The following ADNP variants were observed in gnomAD, a reference collection of about 807,000 sequenced individuals.
ADNP encodes activity dependent neuroprotector homeobox.
ADNP carries 4 observed loss-of-function variants against 84.9 expected under a neutral mutation model. That is an observed-to-expected ratio of 0.05 (90% confidence interval 0.02 to 0.11). The LOEUF is 0.11. ADNP is among the 10% of genes least tolerant of loss of function. The pLI is 1.00. For synonymous variants in ADNP, 554 were observed against 468.1 expected, an observed-to-expected ratio of 1.18 and a Z score of -2.37; for missense variants, 1,132 against 1,326.0, an observed-to-expected ratio of 0.85 and a Z score of 2.27.
rs2122726296 is a variant in ADNP, at chr20:50,890,464, T to C, written c.*941A>G. 1 of 152,678 alleles carries C rather than the reference T, an allele frequency of 6.5e-6. No homozygotes were observed. The highest frequency in any genetic ancestry group is 3.4e-3 in the Middle Eastern group (1 of 294). The allele number at this position is 152,678 out of a possible 1,614,324, so 9.5% of individuals were successfully genotyped here. ...TCATATATTAGATGGTATAAATGAA[T>C]CCACCATGATGGTGTTGAACTAAAG... On this transcript the variant is annotated 3_prime_UTR_variant, in exon 6 of 6. Transcript: ENST00000621696.
Position 50,892,064 on chromosome 20 carries a change from C to A in ADNP, c.2650G>T (p.Glu884Ter). ...GGGCTACCACTTTCATTGGATTCTT[C>A]TTCCAAATTTTCAAAACTGTCTGAG... ...SSSDSFENLE[E>*]ESNESGSPFD... The change falls in exon 6 of 6, where the codon GAA becomes TAA. Residue 884 changes from glutamate to a stop codon, truncating the protein, a stop_gained. Transcript: ENST00000621696. LOFTEE classifies it high-confidence loss of function. 1 of 1,614,156 alleles carries A rather than the reference C, an allele frequency of 6.2e-7. No homozygotes were observed. Among genetic ancestry groups the A allele is most frequent in the Non-Finnish European group, 8.5e-7 (1 of 1,180,032 alleles).
At chr20:50,919,374 G>A (rs941179928) in intron 2 of ADNP, among the ~76,000 whole-genome samples, 1 of 151,150 alleles carries the variant, frequency 6.6e-6, no homozygotes, top group Non-Finnish European at 1.5e-5. Context: ...GGAGGCTGAG[G>A]TGGGAGAATG....
chr20:50,895,081 G>C (rs1420070262), intron 5 of ADNP, among the ~76,000 whole-genome samples: 1 of 152,194 alleles, frequency 6.6e-6, no homozygotes, highest in Non-Finnish European at 1.5e-5. Flanking sequence ...CAAATGACTT[G>C]AAGATAAACA....
In ADNP at chr20:50,902,008, G is replaced by T; in HGVS notation, c.201+9C>A. On this transcript the variant is annotated intron_variant, in intron 5 of 5. Transcript: ENST00000621696. ...GCTGCCATCTGAGGAAGTCTCCTGT[G>T]CCACTTACCTGGTTTTTCGTAAGTG... The T allele has an allele frequency of 6.2e-7, 1 of 1,601,134 alleles. No individual in the cohort carries two copies. The highest frequency in any genetic ancestry group is 1.3e-5 in the African/African-American group (1 of 74,728).
chr20:50,894,571 T>G (rs1981188516), intron 5 of ADNP, 59 bp from the exon 6 acceptor site: 1 of 1,509,200 alleles, frequency 6.6e-7, no homozygotes, highest in South Asian at 1.3e-5. Context: ...GTTAACAGAT[T>G]CCAGATCCCC....
rs574785192 is a variant in ADNP at position 50,918,571 on chromosome 20, T to C, written c.-90+10080A>G. On this transcript the variant is annotated intron_variant, in intron 2 of 5. Coordinates refer to ENST00000621696, the MANE Select transcript of ADNP (RefSeq NM_001282531.3). Reference sequence around the variant, plus strand: ...CCAAGAGGCCAGGAACAGGATATTATATTACTTTTGGCAATGAAGGCCCTG... The same window carrying C: ...CCAAGAGGCCAGGAACAGGATATTACATTACTTTTGGCAATGAAGGCCCTG... 2.6e-5 allele frequency among the ~76,000 whole-genome samples: 4 copies of C among 152,328 alleles called. No individual in the cohort carries two copies. In the South Asian group the frequency reaches 8.3e-4, roughly 32 times the overall value.
intron 2 of ADNP, among the ~76,000 whole-genome samples, chr20:50,911,542 G>A (rs1600973586): frequency 7.4e-6 from 1 of 135,778 alleles, no homozygotes; most frequent in Admixed American, 7.7e-5. Flanking sequence ...TTTCACTCTT[G>A]TTGCCCAGGC....
chr20:50,924,668 G>A (rs1984170923), intron 2 of ADNP, among the ~76,000 whole-genome samples: 1 of 152,116 alleles, frequency 6.6e-6, no homozygotes, highest in African/African-American at 2.4e-5. Context: ...GGCCAGCAAG[G>A]GGGCCTTTAC....
chr20:50,924,027 G>A (rs539556848), intron 2 of ADNP, among the ~76,000 whole-genome samples: 10 of 152,308 alleles, frequency 6.6e-5, no homozygotes, highest in Admixed American at 5.2e-4. Flanking sequence ...AAGGTTCTCA[G>A]GTCATGAGCT....
Position 50,918,793 on chromosome 20 carries a change from G to C in ADNP, c.-90+9858C>G, listed in dbSNP as rs182512208. Among the ~76,000 whole-genome samples, 4 of 152,312 alleles carry C rather than the reference G, an allele frequency of 2.6e-5. No homozygotes were observed. The East Asian group carries it at 5.8e-4, about 22-fold the overall frequency. On this transcript the variant is annotated intron_variant, in intron 2 of 5. Coordinates refer to ENST00000621696, the MANE Select transcript of ADNP (RefSeq NM_001282531.3). ...CAAGAGGAGAGGTCCTGGGAAAAAT[G>C]AAATGGAAAGCTTTTGAAAGGTAAC...
intron 4 of ADNP, among the ~76,000 whole-genome samples, chr20:50,903,297 T>C (rs1455804498): frequency 3.2e-4 from 49 of 152,164 alleles, no homozygotes; most frequent in Admixed American, 2.0e-4. Context: ...ATAAAGCTCA[T>C]AGAATAAAAC....
At chr20:50,895,622 T>C (rs1981303203) in intron 5 of ADNP, among the ~76,000 whole-genome samples, 1 of 152,182 alleles carries the variant, frequency 6.6e-6, no homozygotes, top group Admixed American at 6.5e-5. Flanking sequence ...ATCGGCTCAC[T>C]GCAGCCTCAA....
At chr20:50,911,513 T>TTC (rs1983037210) in intron 2 of ADNP, among the ~76,000 whole-genome samples, 1 of 151,014 alleles carries the variant, frequency 6.6e-6, no homozygotes, top group Non-Finnish European at 1.5e-5. Context: ...TTCTTTTCTT[T>TTC]TTTTTTTTTT....
chr20:50,894,987 AT>A (rs1347224612), intron 5 of ADNP, among the ~76,000 whole-genome samples: 1 of 152,202 alleles, frequency 6.6e-6, no homozygotes, highest in Admixed American at 6.5e-5. Flanking sequence ...TAAACCAAAT[AT>A]TTTTGTCAGT....
Position 50,889,851 on chromosome 20 carries a change from AAAGCCTTTC to A in ADNP, c.*1545_*1553del. The A allele has an allele frequency of 2.5e-6, 1 of 398,542 alleles. No homozygotes were observed. Among genetic ancestry groups the A allele is most frequent in the Non-Finnish European group, 4.4e-6 (1 of 226,058 alleles). The allele number at this position is 398,542 out of a possible 1,614,324, so 24.7% of individuals were successfully genotyped here. ...CAGCCCTGTCAGTGCTGTGCTCTTC[AAAGCCTTTC>A]CCTTAATAGCAAGAGGGCCAAGAGT... On this transcript the variant is annotated 3_prime_UTR_variant, in exon 6 of 6. Transcript: ENST00000621696.
rs898615551 is a variant in ADNP at position 50,891,019 on chromosome 20, A to G, written c.*386T>C. ...TTTCCCAAAGTCTACTATACACATT[A>G]GACTGGTAGCTTGTATGTTGGCCCT... On this transcript the variant is annotated 3_prime_UTR_variant, in exon 6 of 6. Coordinates refer to ENST00000621696, the MANE Select transcript of ADNP (RefSeq NM_001282531.3). 9.7e-7 allele frequency: 1 copy of G among 1,026,906 alleles called. No homozygotes were observed. The allele number at this position is 1,026,906 out of a possible 1,614,324, so 63.6% of individuals were successfully genotyped here. A position where few individuals can be genotyped will look rare whatever the true frequency, so the allele number is the denominator to read the frequency against.
chr20:50,897,791 A>T (rs767678527), intron 5 of ADNP, among the ~76,000 whole-genome samples: 3 of 152,246 alleles, frequency 2.0e-5, no homozygotes, highest in Non-Finnish European at 4.4e-5. Context: ...GCATTTGCTT[A>T]TCAGCGACAA....
intron 2 of ADNP, among the ~76,000 whole-genome samples, chr20:50,908,060 A>T (rs1400481358): frequency 6.6e-6 from 1 of 151,352 alleles, no homozygotes; most frequent in Non-Finnish European, 1.5e-5. Context: ...GTTCATGGAG[A>T]TCATTTCTCT....
chr20:50,890,131 T>TAA lies in ADNP; in HGVS notation c.*1272_*1273dup, dbSNP rs150489825. 628 of 81,174 alleles carry TAA rather than the reference T, an allele frequency of 7.7e-3. 25 individuals carry two copies. Among genetic ancestry groups the TAA allele is most frequent in the South Asian group, 0.022 (35 of 1,604 alleles). The allele number at this position is 81,174 out of a possible 1,614,324, so 5.0% of individuals were successfully genotyped here. A position where few individuals can be genotyped will look rare whatever the true frequency, so the allele number is the denominator to read the frequency against. On this transcript the variant is annotated 3_prime_UTR_variant, in exon 6 of 6. Transcript: ENST00000621696. ...AACTCAAGGGTGTTTGTTTTTCAGT[T>TAA]AAAAAAAAAAAAAAAAAAAAAAAAA... is the stretch of plus-strand genomic sequence containing the variant.
Sources: allele counts gnomAD v4.1 joint callset (sites outside exome capture counted in the v4.1 genomes callset), GRCh38; gene constraint gnomAD v4.1.1; transcripts MANE v1.5; gene names NCBI Gene and HGNC (gene_info 2026-07-23, HGNC 2026-07-21).